GLI2: variants seen among roughly 807,000 people sequenced by gnomAD.
The protein encoded by GLI2 is transcription activator GLI2.
GLI2 carries 22 observed loss-of-function variants against 78.9 expected under a neutral mutation model. That is an observed-to-expected ratio of 0.28 (90% CI 0.20 to 0.40). The LOEUF is 0.40. Ranked by LOEUF, GLI2 falls within the 10% of genes least tolerant of loss-of-function variation. GLI2 has a pLI of 1.00. For missense variants in GLI2, 2,097 were observed against 2,213.2 expected (o/e 0.95, Z 1.05); for synonymous variants, 974 against 963.7 (o/e 1.01, Z -0.20).
In GLI2 at chr2:120,970,397, G is replaced by A; in HGVS notation, c.850G>A (p.Ala284Thr). The A allele has an allele frequency of 6.2e-7, 1 of 1,600,406 alleles. No individual in the cohort carries two copies. Among genetic ancestry groups the A allele is most frequent in the Middle Eastern group, 1.7e-4 (1 of 6,020 alleles). ...CTTGTCTGCTCTCTGTTGCAGCCCA[G>A]CCTTCACCTTCCCCCACCCCATCAA... Reference protein sequence around the residue: ...GHLSAGALSPAFTFPHPINPV... With the variant: ...GHLSAGALSPTFTFPHPINPV... Residue 284 changes from alanine to threonine, a missense_variant, in exon 7 of 14, where the codon GCC (alanine) becomes ACC (threonine). Coordinates refer to ENST00000361492, the MANE Select transcript of GLI2 (RefSeq NM_001374353.1).
chr2:120,973,254 C>T (rs530041407), intron 8 of GLI2, among the ~76,000 whole-genome samples: 41 of 152,346 alleles, frequency 2.7e-4, no homozygotes, highest in African/African-American at 9.4e-4. Flanking sequence ...CGACCATCAT[C>T]GGGAGCCAAT....
At chr2:120,920,613 G>C (rs944391777) in intron 2 of GLI2, among the ~76,000 whole-genome samples, 3 of 152,162 alleles carry the variant, frequency 2.0e-5, no homozygotes, top group Non-Finnish European at 4.4e-5. Flanking sequence ...AAACTGCAGC[G>C]TAGAAAAGTT....
intron 2 of GLI2, among the ~76,000 whole-genome samples, chr2:120,849,638 C>A (rs923015997): frequency 6.6e-6 from 1 of 152,250 alleles, no homozygotes; most frequent in Non-Finnish European, 1.5e-5. Context: ...AAGCCCCACT[C>A]ATCTATGCAG....
rs113809119 is a variant in GLI2, at chr2:120,796,973, A to G, written c.-30-318A>G. Among the ~76,000 whole-genome samples, 5 of 152,262 alleles carry G rather than the reference A, an allele frequency of 3.3e-5. 1 individual carries two copies. The highest frequency in any genetic ancestry group is 1.2e-4 in the African/African-American group (5 of 41,548). On this transcript the variant is annotated intron_variant, in intron 1 of 13. Coordinates refer to ENST00000361492, the MANE Select transcript of GLI2 (RefSeq NM_001374353.1). ...TATTTTCCCCATGATTCACAGACAG[A>G]GGTCATTGTTTCTGACTTTATTTCC...
chr2:120,934,569 T>C (rs1004350363), intron 3 of GLI2, among the ~76,000 whole-genome samples: 2 of 152,174 alleles, frequency 1.3e-5, no homozygotes, highest in African/African-American at 2.4e-5. Flanking sequence ...GGCTCAGGGT[T>C]GTAGCTATCA....
chr2:120,905,077 TAAA>T (rs542347048), intron 2 of GLI2, among the ~76,000 whole-genome samples: 40 of 152,310 alleles, frequency 2.6e-4, no homozygotes, highest in Non-Finnish European at 5.6e-4. Context: ...ACTTATCTCA[TAAA>T]AATATCCTCC....
chr2:120,741,441 C>T (rs1682535435), intron 1 of GLI2, among the ~76,000 whole-genome samples: 1 of 151,736 alleles, frequency 6.6e-6, no homozygotes, highest in African/African-American at 2.4e-5. Flanking sequence ...CTGTCCTGCC[C>T]CCACCCCCTC....
At position 120,737,436 on chromosome 2, in the gene GLI2, C is replaced by A. The variant is rs902355399; in HGVS notation, c.-31+1151C>A. Among the ~76,000 whole-genome samples the A allele has an allele frequency of 6.6e-6, 1 of 152,326 alleles. No homozygotes were observed. The highest frequency in any genetic ancestry group is 1.5e-5 in the Non-Finnish European group (1 of 68,022). On this transcript the variant is annotated intron_variant, in intron 1 of 13. Coordinates refer to ENST00000361492, the MANE Select transcript of GLI2 (RefSeq NM_001374353.1). The surrounding 1 kb of genome is among the most constrained non-coding windows in gnomAD (Gnocchi z 4.3). ...GCCCCCCCGAGGGTGCCTCTTTCCA[C>A]TACCTTCTCTTTTGTGTAATTGTTC...
At chr2:120,742,680 A>T (rs1358536531) in intron 1 of GLI2, among the ~76,000 whole-genome samples, 1 of 19,854 alleles carries the variant, frequency 5.0e-5, no homozygotes, top group Non-Finnish European at 9.2e-5. Context: ...GGATGACTTT[A>T]AAAAAAAAGG....
At position 120,740,459 on chromosome 2, in the gene GLI2, T is replaced by C. The variant is rs1682497697; in HGVS notation, c.-31+4174T>C. Among the ~76,000 whole-genome samples, 3 of 150,006 alleles carry C rather than the reference T, an allele frequency of 2.0e-5. No individual in the cohort carries two copies. In the South Asian group the frequency reaches 6.3e-4, roughly 31 times the overall value. On this transcript the variant is annotated intron_variant, in intron 1 of 13. Coordinates refer to ENST00000361492, the MANE Select transcript of GLI2 (RefSeq NM_001374353.1). Reference sequence around the variant, plus strand: ...GTTTAAAAAAAAAAAAACAGGTTGCTGGGAAGTGTGTTTTAACTGTGAGTG... The same window carrying C: ...GTTTAAAAAAAAAAAAACAGGTTGCCGGGAAGTGTGTTTTAACTGTGAGTG...
At chr2:120,799,788 AG>A (rs1684606845) in intron 2 of GLI2, among the ~76,000 whole-genome samples, 1 of 152,216 alleles carries the variant, frequency 6.6e-6, no homozygotes, top group African/African-American at 2.4e-5. Context: ...AGCAACCCTG[AG>A]TCCCCCAGAA....
chr2:120,847,946 C>T (rs1266180916), intron 2 of GLI2, among the ~76,000 whole-genome samples: 1 of 152,130 alleles, frequency 6.6e-6, no homozygotes, highest in Non-Finnish European at 1.5e-5. Context: ...TGTCACTGTC[C>T]CCACATGGTA....
chr2:120,802,450 A>G (rs1436938389), intron 2 of GLI2, among the ~76,000 whole-genome samples: 2 of 152,172 alleles, frequency 1.3e-5, no homozygotes, highest in Non-Finnish European at 2.9e-5. Flanking sequence ...GAGGCCATAA[A>G]TCTTTTAAAA....
In GLI2 at chr2:120,968,862, A is replaced by G. The variant is rs761616196; in HGVS notation, c.792A>G (p.Arg264=). Residue 264 remains arginine (R), a synonymous_variant, in exon 6 of 14, where the codon CGA becomes CGG. Coordinates refer to ENST00000361492, the MANE Select transcript of GLI2 (RefSeq NM_001374353.1). Reference sequence around the variant, plus strand: ...TAGTGGCCTACATCAACAACTCCCGAAGCAGCTCGGCGGCCAGCGGTTCCT... The same window carrying G: ...TAGTGGCCTACATCAACAACTCCCGGAGCAGCTCGGCGGCCAGCGGTTCCT... ...NSLVAYINNS[R]SSSAASGSYG... The G allele has an allele frequency of 8.7e-6, 14 of 1,613,710 alleles. No homozygotes were observed. The highest frequency in any genetic ancestry group is 1.2e-5 in the Non-Finnish European group (14 of 1,179,968).
rs1363492968 is a variant in GLI2 at position 120,889,421 on chromosome 2, GC to G, written c.149-37938del. ...GAAATCACAGCCTTCAGGATTTCAG[GC>G]CAGGCACAGGACTCTTAGACTTGAT... On this transcript the variant is annotated intron_variant, in intron 2 of 13. Transcript: ENST00000361492. 2.0e-5 allele frequency among the ~76,000 whole-genome samples: 3 copies of G among 152,164 alleles called. No individual in the cohort carries two copies. The East Asian group carries it at 5.8e-4, about 29-fold the overall frequency.
In GLI2 at chr2:120,919,076, T is replaced by C. The variant is rs983476463; in HGVS notation, c.149-8285T>C. Among the ~76,000 whole-genome samples the C allele has an allele frequency of 4.6e-5, 7 of 152,224 alleles. No individual in the cohort carries two copies. In the East Asian group the frequency reaches 1.2e-3, roughly 25 times the overall value. On this transcript the variant is annotated intron_variant, in intron 2 of 13. Transcript: ENST00000361492. ...CACTAGCGCCTTCTTTTGCCAAAGA[T>C]ATTGGTGTATTTTGTGCCTAGGTCC...
intron 2 of GLI2, among the ~76,000 whole-genome samples, chr2:120,872,712 G>A (rs1413418394): frequency 6.6e-6 from 1 of 152,196 alleles, no homozygotes; most frequent in Non-Finnish European, 1.5e-5. Flanking sequence ...GCTCAACTTT[G>A]CTGTAACCTC....
chr2:120,879,482 G>C lies in GLI2; in HGVS notation c.149-47879G>C, dbSNP rs72835594. On this transcript the variant is annotated intron_variant, in intron 2 of 13. Transcript: ENST00000361492. ...CTCCTAGCCAGGCAGGAGATAACCT[G>C]AGATCAGTGCAGTAGTTCCTCACCC... Among the ~76,000 whole-genome samples, 1,325 of 152,320 alleles carry C rather than the reference G, an allele frequency of 8.7e-3. 9 individuals are homozygous for C. Among genetic ancestry groups the C allele is most frequent in the Non-Finnish European group, 0.013 (889 of 68,020 alleles).
At chr2:120,838,835 C>G (rs1390211148) in intron 2 of GLI2, among the ~76,000 whole-genome samples, 1 of 152,164 alleles carries the variant, frequency 6.6e-6, no homozygotes, top group Non-Finnish European at 1.5e-5. Context: ...TGCTGTAGGC[C>G]AGGGTCAATA....
Sources: allele counts gnomAD v4.1 joint callset (sites outside exome capture counted in the v4.1 genomes callset), GRCh38; gene constraint gnomAD v4.1.1; non-coding constraint Gnocchi (gnomAD v3.1); transcripts MANE v1.5; gene names NCBI Gene and HGNC (gene_info 2026-07-23, HGNC 2026-07-21).